The following PRTG variants were observed in gnomAD, a reference collection of about 807,000 sequenced individuals.
The protein encoded by PRTG is immunoglobulin superfamily, DCC subclass, member 5.
PRTG carries 67 observed loss-of-function variants against 122.5 expected under a neutral mutation model. The observed-to-expected ratio is 0.55, with a 90% confidence interval of 0.45 to 0.67. The LOEUF (loss-of-function observed/expected upper bound fraction) is 0.67, where lower values mean the gene tolerates loss of function less well. Ranked by LOEUF, PRTG falls within the 30% of genes least tolerant of loss-of-function variation. The pLI is 0.00. For missense variants in PRTG, 1,435 were observed against 1,415.4 expected, an observed-to-expected ratio of 1.01 and a Z score of -0.22; for synonymous variants, 554 against 501.1, an observed-to-expected ratio of 1.11 and a Z score of -1.41.
rs2059129519 is a variant in PRTG at position 55,613,536 on chromosome 15, G to T, written c.*6476C>A. On this transcript the variant is annotated 3_prime_UTR_variant, in exon 20 of 20. Coordinates refer to ENST00000389286, the MANE Select transcript of PRTG (RefSeq NM_173814.6). ...CAATTTTAGCTGAGATAAATGGAAG[G>T]TTTTGGAGGAGAGAAATTAGGAGAT... The T allele has an allele frequency of 6.6e-6, 1 of 152,082 alleles. No homozygotes were observed. The highest frequency in any genetic ancestry group is 1.5e-5 in the Non-Finnish European group (1 of 67,968). The allele number at this position is 152,082 out of a possible 1,614,324, so 9.4% of individuals were successfully genotyped here. A position where few individuals can be genotyped will look rare whatever the true frequency, so the allele number is the denominator to read the frequency against.
chr15:55,718,235 AT>A (rs1335474038), intron 2 of PRTG, among the ~76,000 whole-genome samples: 5 of 152,144 alleles, frequency 3.3e-5, no homozygotes, highest in Non-Finnish European at 5.9e-5. Flanking sequence ...GGCACTTTCA[AT>A]TTTTCCATCC....
chr15:55,646,219 G>A (rs543199176), intron 11 of PRTG, among the ~76,000 whole-genome samples: 248 of 143,300 alleles, frequency 1.7e-3, no homozygotes, highest in Non-Finnish European at 2.1e-3. Context: ...TCACCATGTT[G>A]GCCAGGATGG....
intron 8 of PRTG, among the ~76,000 whole-genome samples, chr15:55,677,106 T>C (rs117710113): frequency 1.3e-5 from 2 of 152,312 alleles, no homozygotes; most frequent in East Asian, 3.9e-4. Flanking sequence ...GAGAAATTTC[T>C]AGGATTTATC....
Position 55,639,745 on chromosome 15 carries a change from G to T in PRTG, c.2221C>A (p.His741Asn). 1 of 1,614,160 alleles carries T rather than the reference G, an allele frequency of 6.2e-7. No individual in the cohort carries two copies. The highest frequency in any genetic ancestry group is 8.5e-7 in the Non-Finnish European group (1 of 1,179,990). Residue 741 changes from histidine (H) to asparagine (N), a missense_variant, in exon 13 of 20, where the codon CAC becomes AAC. Physicochemically the swap from His to Asn is moderately conservative, Grantham distance 68 (BLOSUM62 1). Transcript: ENST00000389286. ...GCGGTGAATGCAGGCCTCCTCCAGT[G>T]CAGGAAGATGGAAGATGAGGTGTTA... is the stretch of plus-strand genomic sequence containing the variant. ...KANTSSSIFL[H>N]WRRPAFTAAQ...
At chr15:55,655,432 G>C (rs1437340228) in intron 11 of PRTG, 1 of 152,094 alleles carries the variant, frequency 6.6e-6, no homozygotes, top group Non-Finnish European at 1.5e-5. Flanking sequence ...ACATTCAACA[G>C]ATCTAGGTTT....
At chr15:55,663,833 C>T (rs564899486) in intron 11 of PRTG, among the ~76,000 whole-genome samples, 64 of 152,266 alleles carry the variant, frequency 4.2e-4, no homozygotes, top group Admixed American at 2.1e-3. Context: ...TGAGCTACTG[C>T]ACCTGGCCCC....
intron 2 of PRTG, among the ~76,000 whole-genome samples, chr15:55,691,440 T>C (rs984281199): frequency 2.6e-5 from 4 of 152,098 alleles, no homozygotes; most frequent in African/African-American, 9.7e-5. Context: ...CCCAGCACTT[T>C]GGGAGGCCAA....
chr15:55,727,221 T>G (rs572529380), intron 2 of PRTG, among the ~76,000 whole-genome samples: 2 of 151,442 alleles, frequency 1.3e-5, no homozygotes, highest in African/African-American at 2.4e-5. Context: ...AATGAAAAAT[T>G]TGTTCATTTT....
At chr15:55,629,881 G>A (rs139468826) in intron 15 of PRTG, among the ~76,000 whole-genome samples, 211 of 147,666 alleles carry the variant, frequency 1.4e-3, no homozygotes, top group East Asian at 0.011. Context: ...GCAGTGGCAT[G>A]ATCATGGCTC....
intron 11 of PRTG, among the ~76,000 whole-genome samples, chr15:55,642,597 CAAAA>C (rs10708251): frequency 2.1e-5 from 2 of 95,220 alleles, no homozygotes; most frequent in East Asian, 3.0e-4. Flanking sequence ...AACTCCATCT[CAAAA>C]AAAAAAAAAA....
intron 11 of PRTG, among the ~76,000 whole-genome samples, chr15:55,664,609 G>T (rs1271529208): frequency 6.6e-5 from 10 of 151,906 alleles, no homozygotes; most frequent in Admixed American, 6.6e-4. Context: ...TTGAGACAGG[G>T]TCTCACAGGC....
intron 16 of PRTG, among the ~76,000 whole-genome samples, chr15:55,628,537 T>C (rs561877419): frequency 2.0e-5 from 3 of 152,260 alleles, no homozygotes; most frequent in African/African-American, 7.2e-5. Flanking sequence ...CTCCTACCAG[T>C]TCATGGCTGA....
At chr15:55,641,912 C>A (rs1442028015) in intron 11 of PRTG, among the ~76,000 whole-genome samples, 1 of 151,990 alleles carries the variant, frequency 6.6e-6, no homozygotes, top group Non-Finnish European at 1.5e-5. Flanking sequence ...CGGTGGCTCA[C>A]GCCTGTAATC....
Position 55,616,021 on chromosome 15 carries a change from T to C in PRTG, c.*3991A>G, listed in dbSNP as rs2059140362. On this transcript the variant is annotated 3_prime_UTR_variant, in exon 20 of 20. Coordinates refer to ENST00000389286, the MANE Select transcript of PRTG (RefSeq NM_173814.6). The stretch of plus-strand genomic sequence containing the variant: ...CTGTCATTGTTCCCAATGTTGGCAT[T>C]GCTCGTTTCAAGCACAGACAAAAGT... 6.6e-6 allele frequency: 1 copy of C among 152,060 alleles called. No homozygotes were observed. Among genetic ancestry groups the C allele is most frequent in the Admixed American group, 6.6e-5 (1 of 15,252 alleles). 9.4% of individuals were successfully genotyped at this position (152,060 alleles called of 1,614,324 possible).
intron 4 of PRTG, among the ~76,000 whole-genome samples, chr15:55,681,875 T>G (rs555205029): frequency 6.6e-6 from 1 of 152,320 alleles, no homozygotes; most frequent in South Asian, 2.1e-4. Flanking sequence ...GCCCTCAGTA[T>G]CTGTGGGTTG....
In PRTG at chr15:55,629,014, C is replaced by T. The variant is rs375537655; in HGVS notation, c.2624-10G>A. ...GCCATGGTTATTGCCCCTAGAAATACATCAATTACAAATTAAGTGAACATT... is the reference window on the plus strand; with the variant it reads ...GCCATGGTTATTGCCCCTAGAAATATATCAATTACAAATTAAGTGAACATT... On this transcript the variant is annotated splice_polypyrimidine_tract_variant and intron_variant, in intron 15 of 19. Transcript: ENST00000389286. 1.7e-5 allele frequency: 27 copies of T among 1,566,110 alleles called. 1 individual carries two copies. In the African/African-American group the frequency reaches 3.4e-4, roughly 20 times the overall value.
intron 4 of PRTG, among the ~76,000 whole-genome samples, chr15:55,682,087 T>C (rs1156310044): frequency 3.3e-5 from 5 of 152,178 alleles, no homozygotes; most frequent in Admixed American, 3.3e-4. Flanking sequence ...ATGAGAGACC[T>C]GAGCATCAGT....
intron 13 of PRTG, 46 bp downstream of exon 13, chr15:55,639,596 G>A (rs1195563115): frequency 6.5e-7 from 1 of 1,537,860 alleles, no homozygotes; most frequent in Non-Finnish European, 8.9e-7. Context: ...GAGTGGGGGT[G>A]TGGTGAGGTA....
At chr15:55,703,942 T>C (rs1196709008) in intron 2 of PRTG, among the ~76,000 whole-genome samples, 1 of 152,204 alleles carries the variant, frequency 6.6e-6, no homozygotes, top group Non-Finnish European at 1.5e-5. Context: ...TGCGACATGC[T>C]AATGCATTTA....
Sources: allele counts gnomAD v4.1 joint callset (sites outside exome capture counted in the v4.1 genomes callset), GRCh38; gene constraint gnomAD v4.1.1; transcripts MANE v1.5; gene names NCBI Gene and HGNC (gene_info 2026-07-23, HGNC 2026-07-21).